The following MYH11 variants were observed in gnomAD, a reference collection of about 807,000 sequenced individuals.
MYH11 encodes myosin heavy chain 11.
In MYH11, 80 loss-of-function variants were observed where a neutral mutation model predicts 246.6. That is an observed-to-expected ratio of 0.32 (90% CI 0.27 to 0.39). MYH11 has a LOEUF of 0.39. MYH11 is among the 10% of genes least tolerant of loss of function. MYH11 has a pLI of 1.00. For missense variants in MYH11, 2,158 were observed against 2,546.8 expected, an observed-to-expected ratio of 0.85 and a Z score of 3.29; for synonymous variants, 1,071 against 1,015.5, an observed-to-expected ratio of 1.05 and a Z score of -1.04.
At chr16:15,844,422 T>C (rs2044135958) in intron 1 of MYH11, among the ~76,000 whole-genome samples, 1 of 152,150 alleles carries the variant, frequency 6.6e-6, no homozygotes, top group Non-Finnish European at 1.5e-5. Context: ...GGTCTCAAAC[T>C]CCTGACCTCA....
chr16:15,747,845 G>A, intron 18 of MYH11, 29 bp downstream of exon 18: 1 of 1,613,664 alleles, frequency 6.2e-7, no homozygotes, highest in South Asian at 1.1e-5. Context: ...CCAGAGGTTG[G>A]GAGGTCTCTG....
Position 15,726,898 on chromosome 16 carries a change from C to G in MYH11, c.3808G>C (p.Asp1270His), listed in dbSNP as rs770319821. The G allele has an allele frequency of 6.2e-6, 10 of 1,612,578 alleles. No homozygotes were observed. The highest frequency in any genetic ancestry group is 1.3e-5 in the African/African-American group (1 of 74,888). Residue 1270 changes from aspartate (D) to histidine (H), a missense_variant, in exon 28 of 41, where the codon GAT becomes CAT. Physicochemically the swap from Asp to His is moderately conservative, Grantham distance 81. Coordinates refer to ENST00000300036, the MANE Select transcript of MYH11 (RefSeq NM_002474.3). ...QVQELQSKCS[D>H]GERARAELND... ...AGCTCCGCCCGGGCCCGCTCCCCATCGCTGCACTTGGACTGCAGCTCCTGC... is the reference window on the plus strand; with the variant it reads ...AGCTCCGCCCGGGCCCGCTCCCCATGGCTGCACTTGGACTGCAGCTCCTGC...
intron 10 of MYH11, among the ~76,000 whole-genome samples, chr16:15,762,084 C>T (rs1596797022): frequency 1.3e-5 from 2 of 152,372 alleles, no homozygotes; most frequent in Non-Finnish European, 2.9e-5. Context: ...AAGCAGTTCT[C>T]CTGCCTCAGC....
chr16:15,725,977 G>C, intron 28 of MYH11: 1 of 327,782 alleles, frequency 3.1e-6, no homozygotes, highest in Non-Finnish European at 5.5e-6. Context: ...CCCAACCCCA[G>C]CTGGGCACTC....
Position 15,726,888 on chromosome 16 carries a change from C to T in MYH11, c.3818G>A (p.Arg1273Gln), listed in dbSNP as rs1473608237. The change falls in exon 28 of 41, where the codon CGG (arginine) becomes CAG (glutamine). Residue 1273 changes from arginine (R) to glutamine (Q), a missense_variant. Arg to Gln is a conservative substitution (Grantham distance 43). Around this residue, in one of 11 missense-constraint regions of MYH11, gnomAD observed 1,013 missense variants for 993.5 expected, o/e 1.02. Transcript: ENST00000300036. Reference protein sequence around the residue: ...ELQSKCSDGERARAELNDKVH... With the variant: ...ELQSKCSDGEQARAELNDKVH... ...TTTGTCATTGAGCTCCGCCCGGGCC[C>T]GCTCCCCATCGCTGCACTTGGACTG... The T allele has an allele frequency of 1.9e-5, 31 of 1,612,246 alleles. No homozygotes were observed. Among genetic ancestry groups the T allele is most frequent in the Non-Finnish European group, 2.4e-5 (28 of 1,180,016 alleles).
chr16:15,727,435 A>G (rs936148527), intron 27 of MYH11, among the ~76,000 whole-genome samples: 1 of 152,052 alleles, frequency 6.6e-6, no homozygotes, highest in African/African-American at 2.4e-5. Context: ...TCCTGACCTC[A>G]AGTGATCCAC....
chr16:15,740,133 T>A lies in MYH11; in HGVS notation c.2915A>T (p.Glu972Val), dbSNP rs753502706. ...GATCTTGGCCTCAGCCGTGACCTTC[T>A]CAAGTTGCAGCTTCTGCCTGGCAGC... is the stretch of plus-strand genomic sequence containing the variant. ...EEAARQKLQL[E>V]KVTAEAKIKK... Residue 972 changes from glutamate to valine, a missense_variant, in exon 23 of 41, where the codon GAG (glutamate) becomes GTG (valine). By Grantham distance (121) the Glu-to-Val change is moderately radical (BLOSUM62 -2). Around this residue, in one of 11 missense-constraint regions of MYH11, gnomAD observed 284 missense variants for 315.4 expected, o/e 0.90. Transcript: ENST00000300036. 1.2e-6 allele frequency: 2 copies of A among 1,614,222 alleles called. No homozygotes were observed. Among genetic ancestry groups the A allele is most frequent in the South Asian group, 1.1e-5 (1 of 91,084 alleles).
rs556929740 is a variant in MYH11, at chr16:15,742,646, G to C, written c.2521-755C>G. Among the ~76,000 whole-genome samples, 154 of 152,032 alleles carry C rather than the reference G, an allele frequency of 1.0e-3. No homozygotes were observed. In the South Asian group the frequency reaches 0.016, roughly 16 times the overall value. On this transcript the variant is annotated intron_variant, in intron 20 of 40. Transcript: ENST00000300036. Reference sequence around the variant, plus strand: ...GTGAGGGGTCTGAGGCAGGAAGATCGCTTGAACCCTGCAGGCTGAGGCTGC... The same window carrying C: ...GTGAGGGGTCTGAGGCAGGAAGATCCCTTGAACCCTGCAGGCTGAGGCTGC...
chr16:15,723,733 G>A (rs1182089784), intron 31 of MYH11, among the ~76,000 whole-genome samples: 1 of 152,166 alleles, frequency 6.6e-6, no homozygotes, highest in Non-Finnish European at 1.5e-5. Context: ...GTACAATTCT[G>A]TCAACTTTGC....
In MYH11 at chr16:15,714,218, C is replaced by T. The variant is rs369014798; in HGVS notation, c.5786+691G>A. On this transcript the variant is annotated intron_variant, in intron 40 of 40. Transcript: ENST00000300036. ...CAGCCCTTGGGAGCAGGGGGGACCC[C>T]CAAGGTACCAGAGGCATGGGAGAGA... 270 of 153,856 alleles carry T rather than the reference C, an allele frequency of 1.8e-3. 8 individuals are homozygous for T. In the South Asian group the frequency reaches 0.054, roughly 31 times the overall value. The allele number at this position is 153,856 out of a possible 1,614,324, so 9.5% of individuals were successfully genotyped here.
chr16:15,759,884 G>T (rs2041827356), intron 11 of MYH11, among the ~76,000 whole-genome samples, 156 bp from the exon 12 acceptor site: 1 of 152,176 alleles, frequency 6.6e-6, no homozygotes, highest in African/African-American at 2.4e-5. Context: ...GTCACTTGAG[G>T]TCGGGAGTTC....
chr16:15,744,371 A>G (rs34805499), intron 20 of MYH11, among the ~76,000 whole-genome samples: 18,513 of 151,028 alleles, frequency 0.12, 1,838 homozygotes, highest in African/African-American at 0.28. Context: ...ATTTTTGTAC[A>G]TTTAGTAGAG....
chr16:15,740,209 A>G, intron 22 of MYH11, 21 bp from the exon 23 acceptor site: 1 of 1,614,050 alleles, frequency 6.2e-7, no homozygotes, highest in South Asian at 1.1e-5. Context: ...GAGGGAAAAG[A>G]GTAACAGCTT....
At chr16:15,845,539 T>C (rs987430810) in intron 1 of MYH11, among the ~76,000 whole-genome samples, 17 of 152,214 alleles carry the variant, frequency 1.1e-4, no homozygotes, top group Non-Finnish European at 1.8e-4. Flanking sequence ...TGTTTATTTC[T>C]GGACAGCCAT....
chr16:15,752,173 TTCA>T (rs1211429750), intron 15 of MYH11, among the ~76,000 whole-genome samples: 3 of 152,122 alleles, frequency 2.0e-5, no homozygotes, highest in Middle Eastern at 3.4e-3. Context: ...GACTACAGGC[TTCA>T]TCATGTGTCC....
chr16:15,703,750 A>C lies in MYH11; in HGVS notation c.*241T>G, dbSNP rs1412195773. The C allele has an allele frequency of 1.8e-6, 1 of 543,052 alleles. No individual in the cohort carries two copies. The highest frequency in any genetic ancestry group is 3.4e-5 in the East Asian group (1 of 29,062). The allele number at this position is 543,052 out of a possible 1,614,324, so 33.6% of individuals were successfully genotyped here. On this transcript the variant is annotated 3_prime_UTR_variant, in exon 41 of 41. Transcript: ENST00000300036. ...ACCACAGGTGTGTACCACCACGCCC[A>C]GCTTATTTTTAAATTCTTGTATAGA...
intron 30 of MYH11, 65 bp downstream of exon 30, chr16:15,724,582 C>CG: frequency 6.2e-7 from 1 of 1,611,118 alleles, no homozygotes; most frequent in Non-Finnish European, 8.5e-7. Flanking sequence ...GATCTGCCTG[C>CG]GGGGGATCTC....
chr16:15,831,464 G>GGT (rs59352444), intron 2 of MYH11, among the ~76,000 whole-genome samples: 7,356 of 145,486 alleles, frequency 0.051, 178 homozygotes, highest in Middle Eastern at 0.075. Context: ...TTATGTTTGG[G>GGT]GTGTGTGTGT....
intron 4 of MYH11, among the ~76,000 whole-genome samples, chr16:15,789,410 C>A (rs1003624428): frequency 1.3e-5 from 2 of 152,156 alleles, no homozygotes; most frequent in African/African-American, 4.8e-5. Context: ...CCCCATCACC[C>A]ATCCGGGGAA....
Sources: gnomAD v4.1 joint callset for allele counts (sites outside exome capture counted in the v4.1 genomes callset) on GRCh38, gnomAD v4.1.1 for gene constraint, gnomAD v4.1.1 regional missense constraint, MANE v1.5 for transcripts, NCBI Gene and HGNC (gene_info 2026-07-23, HGNC 2026-07-21) for gene names.